The following NCAM1 variants were observed in gnomAD, a reference collection of about 807,000 sequenced individuals.
NCAM1 encodes the protein antigen recognized by monoclonal antibody 5.1H11.
In NCAM1, 14 loss-of-function variants were observed where a neutral mutation model predicts 109.8. The ratio of observed to expected loss-of-function variants is 0.13; its 90% CI spans 0.08 to 0.20. The LOEUF (loss-of-function observed/expected upper bound fraction) is 0.20, where lower values mean the gene tolerates loss of function less well. Ranked by LOEUF, NCAM1 falls within the 10% of genes least tolerant of loss-of-function variation. The probability of loss-of-function intolerance (pLI) is 1.00; values close to 1 mark genes in which losing one functional copy is unlikely to be tolerated. For synonymous variants in NCAM1, 418 were observed against 442.9 expected (o/e 0.94, Z 0.70); for missense variants, 774 against 1,109.9 (o/e 0.70, Z 4.30).
intron 1 of NCAM1, among the ~76,000 whole-genome samples, chr11:113,094,453 T>TA (rs1555089962): frequency 6.6e-6 from 1 of 152,188 alleles, no homozygotes; most frequent in African/African-American, 2.4e-5. Flanking sequence ...ATTGTTCCCT[T>TA]AGTCTTCCTC....
At chr11:113,195,837 T>C (rs1301571812) in intron 1 of NCAM1, among the ~76,000 whole-genome samples, 1 of 151,896 alleles carries the variant, frequency 6.6e-6, no homozygotes, top group Non-Finnish European at 1.5e-5. Flanking sequence ...CAGGCTGAAT[T>C]CAATAGTATA....
chr11:113,204,459 G>A lies in NCAM1; in HGVS notation c.301G>A (p.Glu101Lys), dbSNP rs781969634. The change falls in exon 3 of 20, where the codon GAG becomes AAG. Residue 101 changes from glutamate (E) to lysine (K), a missense_variant. Coordinates refer to ENST00000316851, the MANE Select transcript of NCAM1 (RefSeq NM_181351.5). ...AGIYKCVVTGEDGSESEATVN... is the reference protein window; with the variant it reads ...AGIYKCVVTGKDGSESEATVN... ...CATTTACAAGTGTGTGGTTACAGGC[G>A]AGGATGGCAGTGAGTCAGAGGCCAC... is the stretch of plus-strand genomic sequence containing the variant. The A allele has an allele frequency of 3.7e-6, 6 of 1,613,848 alleles. No individual in the cohort carries two copies. Among genetic ancestry groups the A allele is most frequent in the African/African-American group, 1.3e-5 (1 of 74,908 alleles).
chr11:113,183,439 T>C (rs1412978794), intron 1 of NCAM1, among the ~76,000 whole-genome samples: 1 of 152,188 alleles, frequency 6.6e-6, no homozygotes, highest in Non-Finnish European at 1.5e-5. Context: ...CCTTAGGAAA[T>C]ACACGCAAAT....
intron 1 of NCAM1, among the ~76,000 whole-genome samples, chr11:113,195,499 T>G (rs1555110675): frequency 7.6e-6 from 1 of 131,378 alleles, no homozygotes; most frequent in Non-Finnish European, 1.6e-5. Flanking sequence ...TAGTAGATTT[T>G]TTTTTTTTTT....
chr11:112,998,701 G>A (rs191957860), intron 1 of NCAM1, among the ~76,000 whole-genome samples: 1 of 152,072 alleles, frequency 6.6e-6, no homozygotes, highest in Admixed American at 6.6e-5. Context: ...CCACTTTTTA[G>A]TCAAAAACTC....
intron 14 of NCAM1, among the ~76,000 whole-genome samples, chr11:113,239,186 A>C (rs1395921300): frequency 3.3e-5 from 5 of 152,192 alleles, no homozygotes; most frequent in Non-Finnish European, 1.5e-5. Flanking sequence ...GCATGAAGGT[A>C]ATGAGGAAGC....
At chr11:113,045,854 T>C (rs905719045) in intron 1 of NCAM1, among the ~76,000 whole-genome samples, 1 of 152,166 alleles carries the variant, frequency 6.6e-6, no homozygotes, top group Non-Finnish European at 1.5e-5. Context: ...GTTTTTTTTT[T>C]TTCTTAAATT....
At chr11:113,136,365 C>T (rs1438175084) in intron 1 of NCAM1, among the ~76,000 whole-genome samples, 1 of 152,106 alleles carries the variant, frequency 6.6e-6, no homozygotes, top group Admixed American at 6.5e-5. Context: ...GTGTGTTGGG[C>T]TGTGGGGTGG....
intron 8 of NCAM1, among the ~76,000 whole-genome samples, chr11:113,219,331 G>C (rs955218486): frequency 2.6e-5 from 4 of 152,206 alleles, no homozygotes; most frequent in African/African-American, 9.7e-5. Context: ...CACTGGAAAA[G>C]ATGACTGCAT....
At chr11:113,140,225 C>T (rs1257506353) in intron 1 of NCAM1, among the ~76,000 whole-genome samples, 1 of 152,184 alleles carries the variant, frequency 6.6e-6, no homozygotes, top group Non-Finnish European at 1.5e-5. Flanking sequence ...ACCCTGCCTC[C>T]TGTGTCCTCA....
intron 1 of NCAM1, among the ~76,000 whole-genome samples, chr11:113,021,575 T>C (rs987733863): frequency 1.3e-5 from 2 of 152,220 alleles, no homozygotes; most frequent in African/African-American, 4.8e-5. Context: ...ATTTTTTCCA[T>C]GCTTAAGAAT....
chr11:113,034,638 G>C (rs1477307515), intron 1 of NCAM1, among the ~76,000 whole-genome samples: 1 of 152,192 alleles, frequency 6.6e-6, no homozygotes, highest in Non-Finnish European at 1.5e-5. Flanking sequence ...GCTCCAATCT[G>C]TTAACATCTC....
chr11:113,217,037 A>G (rs1944551452), intron 8 of NCAM1, among the ~76,000 whole-genome samples: 1 of 152,222 alleles, frequency 6.6e-6, no homozygotes, highest in Non-Finnish European at 1.5e-5. Flanking sequence ...TCTTTTTAAA[A>G]TCAGGGTGAT....
At chr11:113,188,722 G>C (rs1184109502) in intron 1 of NCAM1, among the ~76,000 whole-genome samples, 2 of 152,108 alleles carry the variant, frequency 1.3e-5, no homozygotes, top group African/African-American at 4.8e-5. Flanking sequence ...AGTTTTGCCT[G>C]GTCACTGTGA....
At chr11:113,245,256 C>G (rs1844467912) in intron 14 of NCAM1, among the ~76,000 whole-genome samples, 1 of 152,092 alleles carries the variant, frequency 6.6e-6, no homozygotes, top group Admixed American at 6.5e-5. Flanking sequence ...GCGGGGCCAA[C>G]AGGGCGAAAC....
intron 1 of NCAM1, among the ~76,000 whole-genome samples, chr11:113,013,045 A>T (rs1952111480): frequency 6.6e-6 from 1 of 152,212 alleles, no homozygotes; most frequent in Non-Finnish European, 1.5e-5. Flanking sequence ...TTAACAATTG[A>T]TGAATTTCAG....
At chr11:113,168,470 C>A (rs1485055226) in intron 1 of NCAM1, among the ~76,000 whole-genome samples, 1 of 152,156 alleles carries the variant, frequency 6.6e-6, no homozygotes, top group African/African-American at 2.4e-5. Context: ...AACACATTTC[C>A]ACCTAATGTG....
chr11:113,005,181 A>G (rs1951862834), intron 1 of NCAM1, among the ~76,000 whole-genome samples: 1 of 152,068 alleles, frequency 6.6e-6, no homozygotes, highest in Admixed American at 6.5e-5. Context: ...CTCTTAGTAG[A>G]AGAAAACTAC....
intron 1 of NCAM1, among the ~76,000 whole-genome samples, chr11:113,170,343 T>C (rs1942951869): frequency 2.0e-5 from 3 of 152,222 alleles, no homozygotes; most frequent in Admixed American, 6.5e-5. Flanking sequence ...TAAAAAATTC[T>C]ACCCACTCTT....
Sources: allele counts gnomAD v4.1 joint callset (sites outside exome capture counted in the v4.1 genomes callset), GRCh38; gene constraint gnomAD v4.1.1; transcripts MANE v1.5; gene names NCBI Gene and HGNC (gene_info 2026-07-23, HGNC 2026-07-21).